NOVA1: variants seen among roughly 807,000 people sequenced by gnomAD.
The protein encoded by NOVA1 is RNA-binding protein Nova-1.
In NOVA1, 7 loss-of-function variants were observed where a neutral mutation model predicts 38.0. That is an observed-to-expected ratio of 0.18 (90% CI 0.10 to 0.35). NOVA1 has a LOEUF of 0.35. Ranked by LOEUF, NOVA1 falls within the 10% of genes least tolerant of loss-of-function variation. NOVA1 has a pLI of 1.00. For missense variants in NOVA1, 460 were observed against 616.0 expected (o/e 0.75, Z 2.68); for synonymous variants, 270 against 232.5 (o/e 1.16, Z -1.47).
intron 2 of NOVA1, among the ~76,000 whole-genome samples, chr14:26,547,538 T>C (rs2064939): frequency 0.29 from 44,177 of 151,958 alleles, 7,003 homozygotes; most frequent in African/African-American, 0.41. Flanking sequence ...TTCTATCATC[T>C]ACATAAAGTC....
chr14:26,474,770 T>C (rs567504882), intron 3 of NOVA1, among the ~76,000 whole-genome samples: 2 of 152,046 alleles, frequency 1.3e-5, no homozygotes, highest in African/African-American at 4.8e-5. Context: ...TGTAAGAGTG[T>C]TGAAATGTTA....
In NOVA1 at chr14:26,462,468, ATTT is replaced by A. The variant is rs1181968070; in HGVS notation, c.519+9849_519+9851del. ...AACATTTCAAGAGGCGTCATGAAATATTTTATCCGACTGTTCAAATATAGATGC... is the reference window on the plus strand; with the variant it reads ...AACATTTCAAGAGGCGTCATGAAATATATCCGACTGTTCAAATATAGATGC... On this transcript the variant is annotated intron_variant, in intron 4 of 4. Transcript: ENST00000539517. 4.5e-3 allele frequency among the ~76,000 whole-genome samples: 689 copies of A among 152,324 alleles called. 6 individuals carry two copies. The highest frequency in any genetic ancestry group is 0.016 in the African/African-American group (656 of 41,578).
intron 2 of NOVA1, among the ~76,000 whole-genome samples, chr14:26,514,928 A>G (rs922169213): frequency 1.3e-5 from 2 of 151,840 alleles, no homozygotes; most frequent in African/African-American, 2.4e-5. Context: ...ATTTTCTTCT[A>G]TCATTCTACC....
chr14:26,483,449 C>A (rs1368871479), intron 2 of NOVA1, among the ~76,000 whole-genome samples: 1 of 152,076 alleles, frequency 6.6e-6, no homozygotes, highest in African/African-American at 2.4e-5. Context: ...TACTCTTTTG[C>A]AAACCTAATG....
At chr14:26,450,656 C>A (rs1882589451) in intron 4 of NOVA1, among the ~76,000 whole-genome samples, 2 of 152,060 alleles carry the variant, frequency 1.3e-5, no homozygotes, top group African/African-American at 4.8e-5. Context: ...GTTTTGCTCA[C>A]AGACATCTTT....
intron 2 of NOVA1, among the ~76,000 whole-genome samples, chr14:26,505,392 G>A (rs570957806): frequency 6.6e-6 from 1 of 152,118 alleles, no homozygotes; most frequent in African/African-American, 2.4e-5. Context: ...TTCTAAGTGT[G>A]TGGCTCTTCC....
intron 2 of NOVA1, among the ~76,000 whole-genome samples, chr14:26,488,105 G>C (rs1030369564): frequency 2.6e-5 from 4 of 152,004 alleles, no homozygotes; most frequent in African/African-American, 9.7e-5. Flanking sequence ...AGTAATAATT[G>C]GGTTTCTTCT....
chr14:26,503,486 A>T lies in NOVA1; in HGVS notation c.281-23343T>A, dbSNP rs751353980. On this transcript the variant is annotated intron_variant, in intron 2 of 4. Coordinates refer to ENST00000539517, the MANE Select transcript of NOVA1 (RefSeq NM_002515.3). The stretch of plus-strand genomic sequence containing the variant: ...ATCACCATATAGCTCTGATTGGCAA[A>T]TAATTATAAAAGTTTGGGATGGAAA... Among the ~76,000 whole-genome samples, 6 of 152,264 alleles carry T rather than the reference A, an allele frequency of 3.9e-5. No individual in the cohort carries two copies. In the East Asian group the frequency reaches 1.2e-3, roughly 29 times the overall value.
At chr14:26,590,665 A>G (rs981254477) in intron 2 of NOVA1, among the ~76,000 whole-genome samples, 13 of 151,820 alleles carry the variant, frequency 8.6e-5, no homozygotes, top group African/African-American at 3.1e-4. Flanking sequence ...TTCAAGACAC[A>G]GATCATTTTT....
At chr14:26,510,931 C>A (rs1016228618) in intron 2 of NOVA1, among the ~76,000 whole-genome samples, 7 of 151,938 alleles carry the variant, frequency 4.6e-5, no homozygotes, top group African/African-American at 1.5e-4. Context: ...AATGGACAAA[C>A]CAGACTGGTT....
intron 2 of NOVA1, among the ~76,000 whole-genome samples, chr14:26,501,510 G>T (rs2138407768): frequency 6.6e-6 from 1 of 151,966 alleles, no homozygotes; most frequent in African/African-American, 2.4e-5. Flanking sequence ...GTGTTTATTT[G>T]AAGCAATCAA....
At chr14:26,580,663 T>C (rs554286663) in intron 2 of NOVA1, among the ~76,000 whole-genome samples, 8 of 152,120 alleles carry the variant, frequency 5.3e-5, no homozygotes, top group South Asian at 4.1e-4. Context: ...CGATGATCAC[T>C]TATAATTACC....
chr14:26,546,997 G>C (rs1262745762), intron 2 of NOVA1, among the ~76,000 whole-genome samples: 5 of 151,834 alleles, frequency 3.3e-5, no homozygotes, highest in Non-Finnish European at 7.4e-5. Flanking sequence ...CCAGCCTGGG[G>C]ATACAGCGAG....
chr14:26,538,476 G>A (rs1890255418), intron 2 of NOVA1, among the ~76,000 whole-genome samples: 1 of 151,942 alleles, frequency 6.6e-6, no homozygotes, highest in Non-Finnish European at 1.5e-5. Context: ...AGTTTATGTC[G>A]ATTAAATTGT....
At chr14:26,471,659 C>T (rs1211605721) in intron 4 of NOVA1, among the ~76,000 whole-genome samples, 2 of 151,816 alleles carry the variant, frequency 1.3e-5, no homozygotes, top group Non-Finnish European at 1.5e-5. Context: ...GAATGACCTA[C>T]AAATAGTACC....
intron 1 of NOVA1, chr14:26,596,605 A>G (rs1041490517): frequency 3.1e-6 from 4 of 1,289,026 alleles, no homozygotes; most frequent in Middle Eastern, 4.2e-4. Context: ...CATTGTTAAG[A>G]TGATTCCAGT....
intron 2 of NOVA1, among the ~76,000 whole-genome samples, chr14:26,516,433 A>G (rs1888469497): frequency 6.6e-6 from 1 of 152,078 alleles, no homozygotes. Flanking sequence ...ATGTTTGCCT[A>G]ATTTAAGATC....
intron 2 of NOVA1, among the ~76,000 whole-genome samples, chr14:26,581,919 G>A: frequency 6.6e-6 from 1 of 151,754 alleles, no homozygotes; most frequent in East Asian, 1.9e-4. Context: ...TCTGTAAAAT[G>A]AAGACAAAAA....
chr14:26,484,722 A>C (rs1048512898), intron 2 of NOVA1, among the ~76,000 whole-genome samples: 1 of 152,150 alleles, frequency 6.6e-6, no homozygotes, highest in African/African-American at 2.4e-5. Flanking sequence ...GTACCTGGAT[A>C]AATCTAATCT....
Sources: allele counts gnomAD v4.1 joint callset (sites outside exome capture counted in the v4.1 genomes callset), GRCh38; gene constraint gnomAD v4.1.1; transcripts MANE v1.5; gene names NCBI Gene and HGNC (gene_info 2026-07-23, HGNC 2026-07-21).